Variants in MALRD1 observed in about 807,000 individuals in gnomAD.
MALRD1 encodes the protein MAM and LDL receptor class A domain containing 1.
In MALRD1, 247 loss-of-function variants were observed where a neutral mutation model predicts 242.1. The observed-to-expected ratio is 1.02, with a 90% confidence interval of 0.92 to 1.13. The LOEUF is 1.13. Ranked by LOEUF, MALRD1 falls within the 50% of genes most tolerant of loss-of-function variation. MALRD1 has a pLI of 0.00. For missense variants in MALRD1, 2,989 were observed against 2,533.1 expected, an observed-to-expected ratio of 1.18 and a Z score of -3.86; for synonymous variants, 995 against 866.6, an observed-to-expected ratio of 1.15 and a Z score of -2.60.
At chr10:19,721,284 T>A (rs990132372) in intron 38 of MALRD1, among the ~76,000 whole-genome samples, 1 of 152,138 alleles carries the variant, frequency 6.6e-6, no homozygotes, top group Admixed American at 6.5e-5. Context: ...ATTCCGTAAA[T>A]CTTAAGACTG....
intron 21 of MALRD1, among the ~76,000 whole-genome samples, chr10:19,312,119 T>A (rs906351343): frequency 2.6e-5 from 4 of 151,248 alleles, no homozygotes; most frequent in African/African-American, 9.7e-5. Flanking sequence ...AAAGTACATA[T>A]ACCACGCATT....
rs117718075 is a variant in MALRD1, at chr10:19,595,797, A to T, written c.5944+340A>T. ...AGTTCAGTTAGAATTTCTTCCTACC[A>T]TAAAGGTTCATGAAAATGGCTCAAG... On this transcript the variant is annotated intron_variant, in intron 34 of 39. Transcript: ENST00000454679. 2.6e-3 allele frequency among the ~76,000 whole-genome samples: 393 copies of T among 152,280 alleles called. 6 individuals carry two copies. The East Asian group carries it at 0.058, about 23-fold the overall frequency.
intron 18 of MALRD1, among the ~76,000 whole-genome samples, chr10:19,231,788 TAC>T (rs1335340481): frequency 9.2e-5 from 14 of 152,146 alleles, no homozygotes; most frequent in Non-Finnish European, 2.1e-4. Context: ...AACAAACTAG[TAC>T]AGTCTGTTCT....
intron 9 of MALRD1, among the ~76,000 whole-genome samples, chr10:19,136,100 T>C (rs990830307): frequency 3.9e-5 from 6 of 152,348 alleles, no homozygotes; most frequent in Admixed American, 3.9e-4. Context: ...TTTCTTCATG[T>C]ATTCAAATAC....
intron 31 of MALRD1, among the ~76,000 whole-genome samples, chr10:19,520,213 G>A (rs1170910196): frequency 6.6e-6 from 1 of 151,922 alleles, no homozygotes; most frequent in African/African-American, 2.4e-5. Flanking sequence ...GCAAAAGCCT[G>A]TATTTGTAAC....
intron 36 of MALRD1, among the ~76,000 whole-genome samples, chr10:19,618,619 C>T (rs1000844977): frequency 7.9e-5 from 12 of 152,020 alleles, no homozygotes; most frequent in African/African-American, 2.9e-4. Context: ...TTATTGGCAG[C>T]ATGTGTGTCT....
intron 14 of MALRD1, among the ~76,000 whole-genome samples, chr10:19,182,019 G>A (rs935595921): frequency 2.0e-5 from 3 of 151,904 alleles, no homozygotes; most frequent in Non-Finnish European, 4.4e-5. Flanking sequence ...GTCCTCAGCA[G>A]CAATTTTTTT....
In MALRD1 at chr10:19,204,309, G is replaced by A. The variant is rs1425553788; in HGVS notation, c.2106G>A (p.Gly702=). 1.3e-6 allele frequency: 2 copies of A among 1,519,296 alleles called. No homozygotes were observed. Among genetic ancestry groups the A allele is most frequent in the Non-Finnish European group, 1.8e-6 (2 of 1,131,842 alleles). The allele number at this position is 1,519,296 out of a possible 1,614,324, so 94.1% of individuals were successfully genotyped here. The change falls in exon 16 of 40, where the codon GGG becomes GGA. Residue 702 remains glycine, a splice_region_variant and synonymous_variant. Transcript: ENST00000454679. ...TTTTTTTTTTTTTTATCTCAACAGG[G>A]CATTTTATGTTCATTCTGAAGAAAA... ...PRDHSLNASQ[G]HFMFILKKSS...
chr10:19,325,343 T>A (rs1302199819), intron 22 of MALRD1, among the ~76,000 whole-genome samples: 1 of 152,006 alleles, frequency 6.6e-6, no homozygotes, highest in Non-Finnish European at 1.5e-5. Context: ...TTGGCCAAGA[T>A]GTTACAAACT....
At chr10:19,448,633 T>C (rs1835137439) in intron 28 of MALRD1, among the ~76,000 whole-genome samples, 1 of 152,164 alleles carries the variant, frequency 6.6e-6, no homozygotes, top group African/African-American at 2.4e-5. Context: ...TTATGTCATG[T>C]TACCTTGTAC....
intron 18 of MALRD1, among the ~76,000 whole-genome samples, chr10:19,215,546 T>C (rs1422051948): frequency 6.6e-6 from 1 of 152,196 alleles, no homozygotes; most frequent in Non-Finnish European, 1.5e-5. Context: ...CCCAAACTTC[T>C]TGTAAAGCAT....
chr10:19,595,307 G>A lies in MALRD1; in HGVS notation c.5794G>A (p.Gly1932Arg), dbSNP rs1838028972. Reference sequence around the variant, plus strand: ...TGATGGACATGAAGACTGCATAGATGGATCTGATGAAATGGATTGTCCTCT... The same window carrying A: ...TGATGGACATGAAGACTGCATAGATAGATCTGATGAAATGGATTGTCCTCT... ...KCDGHEDCID[G>R]SDEMDCPLSP... Residue 1932 changes from glycine (G) to arginine (R), a missense_variant, in exon 34 of 40, where the codon GGA becomes AGA. By Grantham distance (125) the Gly-to-Arg change is moderately radical. Coordinates refer to ENST00000454679, the MANE Select transcript of MALRD1 (RefSeq NM_001142308.3). The A allele has an allele frequency of 6.4e-7, 1 of 1,550,726 alleles. No individual in the cohort carries two copies. Among genetic ancestry groups the A allele is most frequent in the Non-Finnish European group, 8.7e-7 (1 of 1,146,966 alleles).
chr10:19,316,706 TG>T (rs933182773), intron 21 of MALRD1, among the ~76,000 whole-genome samples: 2 of 151,722 alleles, frequency 1.3e-5, no homozygotes, highest in African/African-American at 4.8e-5. Context: ...CACCTATTTG[TG>T]GGATCTGGAC....
intron 21 of MALRD1, among the ~76,000 whole-genome samples, chr10:19,313,495 G>T (rs1588894443): frequency 1.3e-5 from 2 of 151,148 alleles, no homozygotes; most frequent in Non-Finnish European, 3.0e-5. Flanking sequence ...AGCTAGAATA[G>T]AATAATTTGA....
rs11443184 is a variant in MALRD1 at position 19,176,366 on chromosome 10, C to CTTTTTTTTTTTTTT, written c.1951+1044_1951+1057dup. Reference sequence around the variant, plus strand: ...TCGAGAGAGTGTATATTTCTGGGTGCTTTTTTTTTTTTTTTTTTTGAGACG... The same window carrying CTTTTTTTTTTTTTT: ...TCGAGAGAGTGTATATTTCTGGGTGCTTTTTTTTTTTTTTTTTTTTTTTTTTTTTTTTTGAGACG... On this transcript the variant is annotated intron_variant, in intron 14 of 39. Transcript: ENST00000454679. 4.1e-4 allele frequency among the ~76,000 whole-genome samples: 36 copies of CTTTTTTTTTTTTTT among 87,300 alleles called. 3 individuals carry two copies. The highest frequency in any genetic ancestry group is 9.5e-4 in the African/African-American group (22 of 23,142). 57.3% of individuals were successfully genotyped at this position (87,300 alleles called of 152,430 possible). A position where few individuals can be genotyped will look rare whatever the true frequency, so the allele number is the denominator to read the frequency against.
At chr10:19,054,695 T>A (rs1458320864) in intron 1 of MALRD1, among the ~76,000 whole-genome samples, 9 of 152,188 alleles carry the variant, frequency 5.9e-5, no homozygotes, top group Admixed American at 5.9e-4. Context: ...CTTAGCATAA[T>A]GTCCTTCAGG....
chr10:19,140,901 T>C (rs950800261), intron 10 of MALRD1, among the ~76,000 whole-genome samples: 2 of 152,156 alleles, frequency 1.3e-5, no homozygotes, highest in Non-Finnish European at 2.9e-5. Flanking sequence ...AACACTGTAT[T>C]GTATACTTGA....
At chr10:19,119,873 A>G (rs569691560) in intron 5 of MALRD1, among the ~76,000 whole-genome samples, 4 of 152,232 alleles carry the variant, frequency 2.6e-5, no homozygotes, top group Non-Finnish European at 5.9e-5. Flanking sequence ...ATGAGCAAGG[A>G]CAGCTTGGAA....
chr10:19,479,006 T>C (rs1432556625), intron 29 of MALRD1, among the ~76,000 whole-genome samples: 1 of 152,246 alleles, frequency 6.6e-6, no homozygotes, highest in African/African-American at 2.4e-5. Context: ...AGAATGTATT[T>C]GGTGTTTCAA....
Sources: allele counts gnomAD v4.1 joint callset (sites outside exome capture counted in the v4.1 genomes callset), GRCh38; gene constraint gnomAD v4.1.1; transcripts MANE v1.5; gene names NCBI Gene and HGNC (gene_info 2026-07-23, HGNC 2026-07-21).